ANKFN1: variants seen among roughly 807,000 people sequenced by gnomAD.
ANKFN1 encodes ankyrin repeat and fibronectin type-III domain-containing protein 1.
ANKFN1 carries 74 observed loss-of-function variants against 108.7 expected under a neutral mutation model. The observed-to-expected ratio is 0.68, with a 90% CI of 0.56 to 0.83. ANKFN1 has a LOEUF of 0.83. ANKFN1 is among the 40% of genes least tolerant of loss of function. ANKFN1 has a pLI of 0.00. For synonymous variants in ANKFN1, 547 were observed against 516.2 expected (o/e 1.06, Z -0.81); for missense variants, 1,505 against 1,382.3 (o/e 1.09, Z -1.41).
chr17:56,248,788 G>T (rs1352270756), intron 3 of ANKFN1, among the ~76,000 whole-genome samples: 1 of 152,192 alleles, frequency 6.6e-6, no homozygotes, highest in Non-Finnish European at 1.5e-5. Context: ...GGTTTCCCCA[G>T]AAGCAGATCC....
chr17:56,115,408 G>A (rs1906207443), intron 4 of ANKFN1, among the ~76,000 whole-genome samples: 1 of 152,060 alleles, frequency 6.6e-6, no homozygotes, highest in African/African-American at 2.4e-5. Context: ...GAAGCAAGTT[G>A]GAGAATATCA....
chr17:56,400,937 T>C (rs891769930), intron 8 of ANKFN1, among the ~76,000 whole-genome samples: 4 of 152,204 alleles, frequency 2.6e-5, no homozygotes, highest in Non-Finnish European at 1.5e-5. Flanking sequence ...TTCTGTTCCA[T>C]TGGCCTATGT....
intron 4 of ANKFN1, among the ~76,000 whole-genome samples, chr17:56,138,696 A>C (rs922037420): frequency 6.6e-6 from 1 of 151,880 alleles, no homozygotes; most frequent in Non-Finnish European, 1.5e-5. Context: ...TTTTTGTTAG[A>C]GACGGGGTTT....
At chr17:56,124,040 A>G (rs1906782309) in intron 4 of ANKFN1, among the ~76,000 whole-genome samples, 1 of 152,156 alleles carries the variant, frequency 6.6e-6, no homozygotes, top group Admixed American at 6.5e-5. Flanking sequence ...CAGAAAACCA[A>G]ACAAGTATAC....
Position 56,395,353 on chromosome 17 carries a change from A to G in ANKFN1, c.910+20639A>G, listed in dbSNP as rs574355151. 2.6e-5 allele frequency among the ~76,000 whole-genome samples: 4 copies of G among 152,272 alleles called. No homozygotes were observed. In the East Asian group the frequency reaches 7.7e-4, roughly 29 times the overall value. On this transcript the variant is annotated intron_variant, in intron 8 of 20. Coordinates refer to ENST00000682825, the MANE Select transcript of ANKFN1 (RefSeq NM_001370326.1). ...CAATCAGACGCTGTTGTGTGAAAAG[A>G]CACAACCACAGCCATACGGAGGCAC...
chr17:56,177,585 G>C (rs1349309856), intron 1 of ANKFN1, among the ~76,000 whole-genome samples: 1 of 152,154 alleles, frequency 6.6e-6, no homozygotes, highest in Admixed American at 6.5e-5. Flanking sequence ...TGACTCCCAC[G>C]TTCCAGATGA....
At chr17:56,310,977 T>A (rs2045005504) in intron 3 of ANKFN1, among the ~76,000 whole-genome samples, 1 of 152,188 alleles carries the variant, frequency 6.6e-6, no homozygotes, top group South Asian at 2.1e-4. Context: ...GCTTCTGAGT[T>A]CAACTTTTTT....
At chr17:56,095,307 T>TTC (rs1555593398) in intron 4 of ANKFN1, among the ~76,000 whole-genome samples, 4 of 150,122 alleles carry the variant, frequency 2.7e-5, no homozygotes, top group African/African-American at 9.9e-5. Flanking sequence ...TTTTTTTTTT[T>TTC]CTGATACGTG....
chr17:56,062,330 G>C (rs1022503603), intron 4 of ANKFN1, among the ~76,000 whole-genome samples: 2 of 152,132 alleles, frequency 1.3e-5, no homozygotes, highest in African/African-American at 2.4e-5. Context: ...TGACAGTGGG[G>C]TGTTAAAGCC....
At chr17:56,359,819 C>T (rs2046468855) in intron 6 of ANKFN1, among the ~76,000 whole-genome samples, 1 of 152,180 alleles carries the variant, frequency 6.6e-6, no homozygotes, top group East Asian at 1.9e-4. Context: ...ACAATCCAAG[C>T]GAATGTTACC....
At chr17:56,064,253 C>T (rs1211643102) in intron 4 of ANKFN1, among the ~76,000 whole-genome samples, 1 of 152,088 alleles carries the variant, frequency 6.6e-6, no homozygotes, top group Admixed American at 6.5e-5. Flanking sequence ...GCACTTTGTC[C>T]CTTGATGGAA....
intron 4 of ANKFN1, among the ~76,000 whole-genome samples, chr17:56,067,611 T>C (rs1278728923): frequency 3.9e-5 from 6 of 152,200 alleles, no homozygotes; most frequent in Non-Finnish European, 8.8e-5. Flanking sequence ...TTTTTGTAAT[T>C]AGATGAAACT....
intron 4 of ANKFN1, among the ~76,000 whole-genome samples, chr17:56,121,820 T>C (rs1906637704): frequency 6.6e-6 from 1 of 152,210 alleles, no homozygotes; most frequent in Non-Finnish European, 1.5e-5. Flanking sequence ...AGAAAGGATA[T>C]TGGCTGTAGG....
intron 2 of ANKFN1, among the ~76,000 whole-genome samples, chr17:56,223,714 A>G (rs1289027741): frequency 6.6e-6 from 1 of 152,206 alleles, no homozygotes; most frequent in African/African-American, 2.4e-5. Flanking sequence ...CACAGAGACA[A>G]AAGAGGTCAT....
rs1917285377 is a variant in ANKFN1, at chr17:56,237,986, C to T, written c.53+10029C>T. On this transcript the variant is annotated intron_variant, in intron 3 of 20. Transcript: ENST00000682825. ...TTCTGGTATGTTTTATCATTGTTCT[C>T]ATTAGTTTCAAAGAACTTCTTGGTA... Among the ~76,000 whole-genome samples, 3 of 152,210 alleles carry T rather than the reference C, an allele frequency of 2.0e-5. No homozygotes were observed. The South Asian group carries it at 6.2e-4, about 32-fold the overall frequency.
intron 1 of ANKFN1, among the ~76,000 whole-genome samples, chr17:56,212,204 G>A (rs556443971): frequency 1.7e-4 from 26 of 151,976 alleles, no homozygotes; most frequent in African/African-American, 5.8e-4. Flanking sequence ...TTACCTTAAG[G>A]TATGTCCCTT....
chr17:56,202,171 T>C (rs1401706203), intron 1 of ANKFN1, among the ~76,000 whole-genome samples: 4 of 152,190 alleles, frequency 2.6e-5, no homozygotes, highest in Non-Finnish European at 5.9e-5. Context: ...TGGAAATGGA[T>C]GTGAGCTCAA....
chr17:56,194,018 G>T (rs78513794), intron 1 of ANKFN1, among the ~76,000 whole-genome samples: 3,721 of 152,296 alleles, frequency 0.024, 137 homozygotes, highest in African/African-American at 0.085. Context: ...GTGAGCACAT[G>T]CAGAGGTACT....
chr17:56,319,396 A>T (rs1185018071), intron 3 of ANKFN1, among the ~76,000 whole-genome samples: 1 of 152,218 alleles, frequency 6.6e-6, no homozygotes, highest in Non-Finnish European at 1.5e-5. Context: ...AGAATTCTGC[A>T]CAACATCCTT....
Sources: allele counts gnomAD v4.1 joint callset (sites outside exome capture counted in the v4.1 genomes callset), GRCh38; gene constraint gnomAD v4.1.1; transcripts MANE v1.5; gene names NCBI Gene and HGNC (gene_info 2026-07-23, HGNC 2026-07-21).